DEUP1: variants seen among roughly 807,000 people sequenced by gnomAD.
The protein encoded by DEUP1 is deuterosome assembly protein 1, also known as coiled-coil domain containing 67.
DEUP1 carries 82 observed loss-of-function variants against 87.4 expected under a neutral mutation model. The observed-to-expected ratio is 0.94, with a 90% confidence interval of 0.78 to 1.13. The LOEUF is 1.13. Ranked by LOEUF, DEUP1 falls within the 50% of genes most tolerant of loss-of-function variation. The probability of loss-of-function intolerance (pLI) is 0.00; values close to 1 mark genes in which losing one functional copy is unlikely to be tolerated. For missense variants in DEUP1, 663 were observed against 681.5 expected (o/e 0.97, Z 0.30); for synonymous variants, 214 against 222.7 (o/e 0.96, Z 0.35).
chr11:93,407,822 T>C (rs888550535), intron 11 of DEUP1, among the ~76,000 whole-genome samples: 5 of 151,864 alleles, frequency 3.3e-5, no homozygotes, highest in Admixed American at 2.0e-4. Context: ...AGCTAATTTG[T>C]TCTGTTAGGT....
chr11:93,389,128 A>T lies in DEUP1; in HGVS notation c.1041+3A>T. ...ATCATGAAAAAGAATTGAACAAGGT[A>T]TGAAAAATAATGAGCTCCATTCTTC... On this transcript the variant is annotated splice_donor_region_variant and intron_variant, in intron 9 of 13. Coordinates refer to ENST00000298050, the MANE Select transcript of DEUP1 (RefSeq NM_181645.4). 6.8e-7 allele frequency: 1 copy of T among 1,461,208 alleles called. No individual in the cohort carries two copies. The highest frequency in any genetic ancestry group is 1.4e-5 in the African/African-American group (1 of 71,286). 90.5% of individuals were successfully genotyped at this position (1,461,208 alleles called of 1,614,324 possible). A position where few individuals can be genotyped will look rare whatever the true frequency, so the allele number is the denominator to read the frequency against.
chr11:93,346,061 A>C (rs1047636182), intron 2 of DEUP1, among the ~76,000 whole-genome samples: 1 of 152,094 alleles, frequency 6.6e-6, no homozygotes, highest in Non-Finnish European at 1.5e-5. Flanking sequence ...TCCAGTTTCA[A>C]TCTTCTGCAT....
At chr11:93,372,223 C>T (rs868113909) in intron 7 of DEUP1, among the ~76,000 whole-genome samples, 59 of 152,198 alleles carry the variant, frequency 3.9e-4, no homozygotes, top group African/African-American at 1.3e-3. Flanking sequence ...CCACCGCGCC[C>T]GGCCCAAAAT....
At chr11:93,435,956 A>G (rs560263004) in intron 13 of DEUP1, among the ~76,000 whole-genome samples, 13 of 151,114 alleles carry the variant, frequency 8.6e-5, no homozygotes, top group South Asian at 6.3e-4. Context: ...AGATCACGCC[A>G]CTGCACTCCA....
At chr11:93,359,168 G>C (rs1945042124) in intron 4 of DEUP1, among the ~76,000 whole-genome samples, 1 of 152,142 alleles carries the variant, frequency 6.6e-6, no homozygotes, top group Non-Finnish European at 1.5e-5. Flanking sequence ...ATGGTATCTT[G>C]TGGCTAACAT....
At position 93,415,078 on chromosome 11, in the gene DEUP1, A is replaced by G; in HGVS notation, c.1602A>G (p.Thr534=). ...CGACATTTCAAGCCAAAGAAATGAC[A>G]AGTCCTTTGGTTAGTGATGATGATG... ...PPSTFQAKEM[T]SPLVSDDDVF... The change falls in exon 13 of 14, where the codon ACA becomes ACG. Residue 534 remains threonine, a synonymous_variant. Transcript: ENST00000298050. The G allele has an allele frequency of 6.2e-7, 1 of 1,609,926 alleles. No individual in the cohort carries two copies. Among genetic ancestry groups the G allele is most frequent in the Non-Finnish European group, 8.5e-7 (1 of 1,178,416 alleles).
In DEUP1 at chr11:93,356,938, C is replaced by T; in HGVS notation, c.202-10C>T. ...AGAAAAAGCAAAATTAAATTTTATT[C>T]TTCATGCAGGTAGGGTTACTTCGAC... is the stretch of plus-strand genomic sequence containing the variant. On this transcript the variant is annotated splice_polypyrimidine_tract_variant and intron_variant, in intron 3 of 13. Transcript: ENST00000298050. The T allele has an allele frequency of 6.4e-7, 1 of 1,559,380 alleles. No homozygotes were observed. The highest frequency in any genetic ancestry group is 8.7e-7 in the Non-Finnish European group (1 of 1,148,170).
intron 13 of DEUP1, among the ~76,000 whole-genome samples, chr11:93,416,175 C>T (rs2446062): frequency 0.46 from 70,000 of 151,752 alleles, 16,757 homozygotes; most frequent in Admixed American, 0.6. Flanking sequence ...AAGAAATAAC[C>T]AAAATCAGAG....
At chr11:93,349,562 G>A (rs1399831779) in intron 2 of DEUP1, among the ~76,000 whole-genome samples, 1 of 143,198 alleles carries the variant, frequency 7.0e-6, no homozygotes, top group Non-Finnish European at 1.5e-5. Context: ...GTTCCAAATG[G>A]TATGTTTCAA....
intron 13 of DEUP1, among the ~76,000 whole-genome samples, chr11:93,429,099 C>A (rs1948026682): frequency 1.3e-5 from 2 of 152,024 alleles, no homozygotes; most frequent in Non-Finnish European, 2.9e-5. Context: ...TTATGGGTAT[C>A]CTTTCTATTC....
chr11:93,348,004 C>T (rs575614453), intron 2 of DEUP1, among the ~76,000 whole-genome samples: 8 of 152,228 alleles, frequency 5.3e-5, no homozygotes, highest in Non-Finnish European at 1.0e-4. Flanking sequence ...CCTCCCAAAG[C>T]GCCGGGATTA....
intron 9 of DEUP1, among the ~76,000 whole-genome samples, chr11:93,391,478 G>A (rs1220816370): frequency 6.6e-6 from 1 of 152,114 alleles, no homozygotes; most frequent in African/African-American, 2.4e-5. Flanking sequence ...GGGAGGCCAA[G>A]GTGGGCGGAT....
At position 93,350,395 on chromosome 11, in the gene DEUP1, A is replaced by G. The variant is rs112921120; in HGVS notation, c.30-4976A>G. The stretch of plus-strand genomic sequence containing the variant: ...ATTGAGATCAGATTAGGACCAATGG[A>G]TGGAAAAGTTCTTCAATATAAAAAA... On this transcript the variant is annotated intron_variant, in intron 2 of 13. Coordinates refer to ENST00000298050, the MANE Select transcript of DEUP1 (RefSeq NM_181645.4). Among the ~76,000 whole-genome samples the G allele has an allele frequency of 1.3e-3, 192 of 152,316 alleles. 1 individual carries two copies. Among genetic ancestry groups the G allele is most frequent in the African/African-American group, 4.4e-3 (183 of 41,572 alleles).
At chr11:93,412,364 A>G (rs1947462286) in intron 12 of DEUP1, among the ~76,000 whole-genome samples, 1 of 152,156 alleles carries the variant, frequency 6.6e-6, no homozygotes, top group Non-Finnish European at 1.5e-5. Context: ...TTCCAAAATC[A>G]TTTTTAAGAT....
intron 7 of DEUP1, among the ~76,000 whole-genome samples, chr11:93,380,759 T>G (rs1222064337): frequency 6.6e-6 from 1 of 152,148 alleles, no homozygotes; most frequent in Non-Finnish European, 1.5e-5. Flanking sequence ...TGAGGAAGTT[T>G]ACCAATATTA....
chr11:93,410,407 G>C (rs1947401650), intron 12 of DEUP1, among the ~76,000 whole-genome samples: 1 of 152,130 alleles, frequency 6.6e-6, no homozygotes, highest in African/African-American at 2.4e-5. Flanking sequence ...CTGTCCAAAG[G>C]AGTGTAATCC....
rs1422034003 is a variant in DEUP1, at chr11:93,394,493, A to G, written c.1076A>G (p.His359Arg). The stretch of plus-strand genomic sequence containing the variant: ...CAACTCCAACAGGTGGAAGAGTACC[A>G]TAACTCTGAGCAGGAAAGAATGAGG... ...RSQLQQVEEYHNSEQERMRNE... is the reference protein window; with the variant it reads ...RSQLQQVEEYRNSEQERMRNE... The change falls in exon 10 of 14, where the codon CAT (histidine) becomes CGT (arginine). Residue 359 changes from histidine (H) to arginine (R), a missense_variant. By Grantham distance (29) the His-to-Arg change is conservative. Transcript: ENST00000298050. The G allele has an allele frequency of 6.2e-7, 1 of 1,600,050 alleles. No individual in the cohort carries two copies. Among genetic ancestry groups the G allele is most frequent in the South Asian group, 1.1e-5 (1 of 87,786 alleles).
intron 2 of DEUP1, among the ~76,000 whole-genome samples, chr11:93,335,401 A>G (rs1277278658): frequency 6.6e-6 from 1 of 152,214 alleles, no homozygotes; most frequent in African/African-American, 2.4e-5. Flanking sequence ...AAGTTATATA[A>G]TCAAACATTT....
chr11:93,432,601 G>A (rs1006961487), intron 13 of DEUP1, among the ~76,000 whole-genome samples: 2 of 152,092 alleles, frequency 1.3e-5, no homozygotes, highest in Non-Finnish European at 2.9e-5. Context: ...ATTAGGGGTG[G>A]GTTTTACCAG....
Sources: allele counts gnomAD v4.1 joint callset (sites outside exome capture counted in the v4.1 genomes callset), GRCh38; gene constraint gnomAD v4.1.1; transcripts MANE v1.5; gene names NCBI Gene and HGNC (gene_info 2026-07-23, HGNC 2026-07-21).